RO60: variants seen among roughly 807,000 people sequenced by gnomAD.
The protein encoded by RO60 is Ro60, Y RNA binding protein.
Under a neutral mutation model 55.3 loss-of-function variants are expected in RO60, and 20 were observed. The observed-to-expected ratio is 0.36, with a 90% confidence interval of 0.25 to 0.53. The LOEUF is 0.53. Ranked by LOEUF, RO60 falls within the 20% of genes least tolerant of loss-of-function variation. RO60 has a pLI of 0.92. For synonymous variants in RO60, 213 were observed against 213.6 expected, an observed-to-expected ratio of 1.00 and a Z score of 0.02; for missense variants, 558 against 646.6, an observed-to-expected ratio of 0.86 and a Z score of 1.49.
At position 193,083,105 on chromosome 1, in the gene RO60, GTATC is replaced by G. The variant is rs1242672318; in HGVS notation, c.1464+399_1464+402del. Among the ~76,000 whole-genome samples the G allele has an allele frequency of 5.3e-5, 8 of 152,178 alleles. No homozygotes were observed. The East Asian group carries it at 1.5e-3, about 29-fold the overall frequency. ...AAAAAATGTTACTACAAGTAGTTCT[GTATC>G]TTATATAGGAGCCAGTGTCCGTTAT... On this transcript the variant is annotated intron_variant, in intron 8 of 8. Coordinates refer to ENST00000400968, the MANE Select transcript of RO60 (RefSeq NM_001173524.2).
intron 4 of RO60, 116 bp from the exon 5 acceptor site, chr1:193,076,797 T>G: frequency 7.4e-7 from 1 of 1,348,284 alleles, no homozygotes; most frequent in Non-Finnish European, 1.0e-6. Flanking sequence ...TTTAATACAT[T>G]TTCATTTTTC....
chr1:193,063,124 T>C (rs562007255), intron 1 of RO60, among the ~76,000 whole-genome samples: 15 of 152,366 alleles, frequency 9.8e-5, no homozygotes, highest in African/African-American at 3.6e-4. Flanking sequence ...AGTGGCTGTA[T>C]GATTTTACAT....
chr1:193,075,680 T>C, intron 2 of RO60, 140 bp from the exon 3 acceptor site: 1 of 551,256 alleles, frequency 1.8e-6, no homozygotes, highest in Non-Finnish European at 3.2e-6. Flanking sequence ...TGTTATATCA[T>C]GGAAAGCAGC....
rs1674688654 is a variant in RO60 at position 193,087,990 on chromosome 1, C to T, written c.*3259C>T. On this transcript the variant is annotated 3_prime_UTR_variant, in exon 9 of 9. Transcript: ENST00000400968. The stretch of plus-strand genomic sequence containing the variant: ...TCTTGGACAGACCTAGAAAAACAAG[C>T]TTATACTCTGAGGAAATGCTGTTAA... The T allele has an allele frequency of 6.6e-6, 1 of 151,694 alleles. No homozygotes were observed. Among genetic ancestry groups the T allele is most frequent in the South Asian group, 2.1e-4 (1 of 4,824 alleles). The allele number at this position is 151,694 out of a possible 1,614,324, so 9.4% of individuals were successfully genotyped here. A position where few individuals can be genotyped will look rare whatever the true frequency, so the allele number is the denominator to read the frequency against.
rs1314149848 is a variant in RO60, at chr1:193,086,988, C to G, written c.*2257C>G. 1 of 152,246 alleles carries G rather than the reference C, an allele frequency of 6.6e-6. No homozygotes were observed. Among genetic ancestry groups the G allele is most frequent in the East Asian group, 1.9e-4 (1 of 5,192 alleles). The allele number at this position is 152,246 out of a possible 1,614,324, so 9.4% of individuals were successfully genotyped here. A position where few individuals can be genotyped will look rare whatever the true frequency, so the allele number is the denominator to read the frequency against. ...TATAACCTAGAAATCTTGGTCTCTT[C>G]ATTCCTGTGCCAGAATTTATTTCCC... is the stretch of plus-strand genomic sequence containing the variant. On this transcript the variant is annotated 3_prime_UTR_variant, in exon 9 of 9. Coordinates refer to ENST00000400968, the MANE Select transcript of RO60 (RefSeq NM_001173524.2).
In RO60 at chr1:193,068,784, T is replaced by A. The variant is rs190250416; in HGVS notation, c.-21-250T>A. ...ATAGGAATACAAAACAAAAACACTT[T>A]AAAAACTGAAGATATTACTGGTAGT... On this transcript the variant is annotated intron_variant, in intron 1 of 8. Transcript: ENST00000400968. Among the ~76,000 whole-genome samples, 774 of 152,348 alleles carry A rather than the reference T, an allele frequency of 5.1e-3. 3 individuals carry two copies. Among genetic ancestry groups the A allele is most frequent in the Admixed American group, 0.013 (197 of 15,302 alleles).
downstream of RO60, chr1:193,091,722 T>C: frequency 1.9e-6 from 3 of 1,577,058 alleles, no homozygotes; most frequent in Admixed American, 1.7e-5. Flanking sequence ...GAACTGTTTT[T>C]GGTCAGTTAT....
chr1:193,066,762 G>A (rs1031414840), intron 1 of RO60, among the ~76,000 whole-genome samples: 1 of 152,156 alleles, frequency 6.6e-6, no homozygotes, highest in Non-Finnish European at 1.5e-5. Context: ...TTTATCTTGT[G>A]TTCCTCTTTA....
intron 6 of RO60, among the ~76,000 whole-genome samples, chr1:193,081,893 A>T (rs1198373253): frequency 2.0e-5 from 3 of 152,206 alleles, no homozygotes; most frequent in Non-Finnish European, 4.4e-5. Context: ...AGTGAATAAC[A>T]AACAGATGAA....
At chr1:193,071,850 ATATAAT>A (rs67883898) in intron 2 of RO60, among the ~76,000 whole-genome samples, 63,931 of 147,574 alleles carry the variant, frequency 0.43, 14,308 homozygotes, top group South Asian at 0.56. Flanking sequence ...ATATGTATGC[ATATAAT>A]TATATGTATG....
rs1005459654 is a variant in RO60, at chr1:193,085,056, G to A, written c.*325G>A. On this transcript the variant is annotated 3_prime_UTR_variant, in exon 9 of 9. Coordinates refer to ENST00000400968, the MANE Select transcript of RO60 (RefSeq NM_001173524.2). ...CCTAAAAGAGGTAAGAGCAAAAAGT[G>A]TAATTCCACATCATGTTACTTGAGA... is the stretch of plus-strand genomic sequence containing the variant. The A allele has an allele frequency of 6.6e-7, 1 of 1,515,968 alleles. No homozygotes were observed. 93.9% of individuals were successfully genotyped at this position (1,515,968 alleles called of 1,614,324 possible).
In RO60 at chr1:193,086,101, CCTT is replaced by C. The variant is rs1388379203; in HGVS notation, c.*1373_*1375del. On this transcript the variant is annotated 3_prime_UTR_variant, in exon 9 of 9. Transcript: ENST00000400968. ...AAGATTTACTGAGGATTTGTAAGGT[CCTT>C]CTCGCTGTTATGTGAAAAGTCAAAC... is the stretch of plus-strand genomic sequence containing the variant. 7 of 894,166 alleles carry C rather than the reference CCTT, an allele frequency of 7.8e-6. No individual in the cohort carries two copies. The highest frequency in any genetic ancestry group is 5.7e-4 in the Middle Eastern group (1 of 1,758). 55.4% of individuals were successfully genotyped at this position (894,166 alleles called of 1,614,324 possible).
chr1:193,066,165 A>T (rs189688729), intron 1 of RO60, among the ~76,000 whole-genome samples: 18 of 152,348 alleles, frequency 1.2e-4, no homozygotes, highest in Non-Finnish European at 1.9e-4. Context: ...GGCCAGTCTC[A>T]ACCTGGATGC....
chr1:193,068,106 CA>C (rs1434307387), intron 1 of RO60, among the ~76,000 whole-genome samples: 2 of 152,148 alleles, frequency 1.3e-5, no homozygotes, highest in African/African-American at 4.8e-5. Context: ...AAGAAAACCT[CA>C]AAAGTGTTCT....
rs1674660551 is a variant in RO60, at chr1:193,087,271, G to GT, written c.*2546dup. On this transcript the variant is annotated 3_prime_UTR_variant, in exon 9 of 9. Coordinates refer to ENST00000400968, the MANE Select transcript of RO60 (RefSeq NM_001173524.2). Reference sequence around the variant, plus strand: ...TGAATAAAATGTACTGAAGTGATAAGTTTTTTATTTCCTGAGTTACTTTTA... The same window carrying GT: ...TGAATAAAATGTACTGAAGTGATAAGTTTTTTTATTTCCTGAGTTACTTTTA... 9 of 151,998 alleles carry GT rather than the reference G, an allele frequency of 5.9e-5. 1 individual carries two copies. The highest frequency in any genetic ancestry group is 5.9e-4 in the Admixed American group (9 of 15,252). 9.4% of individuals were successfully genotyped at this position (151,998 alleles called of 1,614,324 possible).
intron 2 of RO60, chr1:193,070,524 T>C: frequency 2.3e-6 from 1 of 426,090 alleles, no homozygotes; most frequent in Non-Finnish European, 4.7e-6. Flanking sequence ...TGTTCAAAAT[T>C]TGACTTTTTT....
chr1:193,085,838 A>G lies in RO60; in HGVS notation c.*1107A>G. ...TAGGTTTGAAAGGCAATTTTTGAGT[A>G]GCATATTACCAGCTAGCCAGTCACT... On this transcript the variant is annotated 3_prime_UTR_variant, in exon 9 of 9. Transcript: ENST00000400968. The G allele has an allele frequency of 6.1e-6, 6 of 985,316 alleles. No individual in the cohort carries two copies. Among genetic ancestry groups the G allele is most frequent in the Non-Finnish European group, 7.2e-6 (6 of 829,840 alleles). 61.0% of individuals were successfully genotyped at this position (985,316 alleles called of 1,614,324 possible).
Position 193,085,416 on chromosome 1 carries a change from G to T in RO60, c.*685G>T. Reference sequence around the variant, plus strand: ...CAACCCCTAAGAATAGACTAAGTTTGTGTTGGCTGAGGGATTCTATTTGGT... The same window carrying T: ...CAACCCCTAAGAATAGACTAAGTTTTTGTTGGCTGAGGGATTCTATTTGGT... On this transcript the variant is annotated 3_prime_UTR_variant, in exon 9 of 9. Coordinates refer to ENST00000400968, the MANE Select transcript of RO60 (RefSeq NM_001173524.2). 1 of 984,994 alleles carries T rather than the reference G, an allele frequency of 1.0e-6. No homozygotes were observed. The highest frequency in any genetic ancestry group is 4.7e-5 in the South Asian group (1 of 21,284). 61.0% of individuals were successfully genotyped at this position (984,994 alleles called of 1,614,324 possible).
chr1:193,086,375 A>G lies in RO60; in HGVS notation c.*1644A>G, dbSNP rs1168910085. 1.3e-5 allele frequency: 2 copies of G among 152,072 alleles called. No homozygotes were observed. The highest frequency in any genetic ancestry group is 2.9e-5 in the Non-Finnish European group (2 of 67,978). 9.4% of individuals were successfully genotyped at this position (152,072 alleles called of 1,614,324 possible). On this transcript the variant is annotated 3_prime_UTR_variant, in exon 9 of 9. Coordinates refer to ENST00000400968, the MANE Select transcript of RO60 (RefSeq NM_001173524.2). ...AGTTTTTAAGTGTGATTTACCTGAG[A>G]TATTTTTGTTCAGCAAAGCTCATAG...
Sources: allele counts gnomAD v4.1 joint callset (sites outside exome capture counted in the v4.1 genomes callset), GRCh38; gene constraint gnomAD v4.1.1; transcripts MANE v1.5; gene names NCBI Gene and HGNC (gene_info 2026-07-23, HGNC 2026-07-21).